The following LIN28B variants were observed in gnomAD, a reference collection of about 807,000 sequenced individuals.
LIN28B encodes the protein lin-28 RNA binding posttranscriptional regulator B.
Under a neutral mutation model 21.9 loss-of-function variants are expected in LIN28B, and 5 were observed. That is an observed-to-expected ratio of 0.23 (90% CI 0.12 to 0.48). LIN28B has a LOEUF of 0.48. Among genes scored for constraint, LIN28B ranks in the 20% least tolerant of loss-of-function variants. LIN28B has a pLI of 0.98. For synonymous variants in LIN28B, 109 were observed against 111.3 expected (o/e 0.98, Z 0.13); for missense variants, 245 against 310.5 (o/e 0.79, Z 1.58).
rs1772527638 is a variant in LIN28B at position 105,080,654 on chromosome 6, C to T, written c.*1871C>T. 6.6e-6 allele frequency: 1 copy of T among 152,586 alleles called. No individual in the cohort carries two copies. The highest frequency in any genetic ancestry group is 2.4e-5 in the African/African-American group (1 of 41,426). 9.5% of individuals were successfully genotyped at this position (152,586 alleles called of 1,614,324 possible). ...TAGCTGTAGAGAAGTACTTCCTTGC[C>T]TTATGTGAGGATTTCAAACTTATTT... On this transcript the variant is annotated 3_prime_UTR_variant, in exon 4 of 4. Transcript: ENST00000345080.
rs1772427818 is a variant in LIN28B at position 105,076,574 on chromosome 6, G to A, written c.384-1840G>A. Among the ~76,000 whole-genome samples the A allele has an allele frequency of 2.6e-5, 4 of 152,026 alleles. No homozygotes were observed. The South Asian group carries it at 6.2e-4, about 24-fold the overall frequency. ...CATCATAATTCACTTCTTGTTGTGA[G>A]TCTGGACTTAAGCCAATTTTCTCAG... On this transcript the variant is annotated intron_variant, in intron 3 of 3. Coordinates refer to ENST00000345080, the MANE Select transcript of LIN28B (RefSeq NM_001004317.4).
chr6:104,979,655 A>G (rs1770180536), intron 2 of LIN28B, among the ~76,000 whole-genome samples: 1 of 152,136 alleles, frequency 6.6e-6, no homozygotes, highest in Non-Finnish European at 1.5e-5. Flanking sequence ...TTTTATACAA[A>G]TAGGGAAATT....
At chr6:105,059,907 A>AT (rs34165233) in intron 3 of LIN28B, among the ~76,000 whole-genome samples, 89 of 143,090 alleles carry the variant, frequency 6.2e-4, no homozygotes, top group East Asian at 1.2e-3. Flanking sequence ...ATGTTACTGT[A>AT]TTTTTTTTTT....
At chr6:104,988,098 C>G (rs917671081) in intron 2 of LIN28B, among the ~76,000 whole-genome samples, 3 of 152,134 alleles carry the variant, frequency 2.0e-5, no homozygotes, top group Admixed American at 2.0e-4. Context: ...AGCTTGTTGA[C>G]TAGAAGTGAT....
At chr6:104,983,431 C>T (rs1236645307) in intron 2 of LIN28B, among the ~76,000 whole-genome samples, 3 of 152,224 alleles carry the variant, frequency 2.0e-5, no homozygotes, top group African/African-American at 7.2e-5. Flanking sequence ...TGGCCTTTGG[C>T]CAGTAGCACC....
At chr6:105,008,263 A>G (rs9500010) in intron 2 of LIN28B, among the ~76,000 whole-genome samples, 1 of 152,182 alleles carries the variant, frequency 6.6e-6, no homozygotes, top group South Asian at 2.1e-4. Context: ...TGAAAATGAC[A>G]TTGTATCTTG....
intron 2 of LIN28B, among the ~76,000 whole-genome samples, chr6:104,959,243 A>G (rs530393225): frequency 6.6e-6 from 1 of 152,346 alleles, no homozygotes; most frequent in African/African-American, 2.4e-5. Flanking sequence ...TGTAGTTAGA[A>G]ATAAAGAGGT....
chr6:105,020,470 C>G (rs1019521894), intron 2 of LIN28B, among the ~76,000 whole-genome samples: 2 of 151,778 alleles, frequency 1.3e-5, no homozygotes, highest in Non-Finnish European at 2.9e-5. Context: ...GTGTGTGCCA[C>G]CATGCCCAGC....
intron 2 of LIN28B, among the ~76,000 whole-genome samples, chr6:104,941,711 G>C (rs1344256383): frequency 6.6e-6 from 1 of 152,200 alleles, no homozygotes; most frequent in Non-Finnish European, 1.5e-5. Context: ...ATTTTGAAAA[G>C]AACGGGGAAG....
chr6:105,056,132 T>C (rs1483615802), intron 3 of LIN28B, among the ~76,000 whole-genome samples: 1 of 152,102 alleles, frequency 6.6e-6, no homozygotes, highest in Non-Finnish European at 1.5e-5. Flanking sequence ...TTTTAAGTTG[T>C]TGAACATATT....
intron 2 of LIN28B, among the ~76,000 whole-genome samples, chr6:104,983,035 T>C (rs1389167174): frequency 6.6e-6 from 1 of 152,194 alleles, no homozygotes; most frequent in South Asian, 2.1e-4. Flanking sequence ...TTTGAACTGC[T>C]GGCCTCAAGT....
At chr6:105,049,690 A>G (rs1771852918) in intron 3 of LIN28B, among the ~76,000 whole-genome samples, 1 of 151,982 alleles carries the variant, frequency 6.6e-6, no homozygotes, top group African/African-American at 2.4e-5. Context: ...GTGCTCCTGT[A>G]TTGGGTGCAT....
intron 3 of LIN28B, among the ~76,000 whole-genome samples, chr6:105,075,661 C>G (rs1055556473): frequency 1.3e-5 from 2 of 152,220 alleles, no homozygotes; most frequent in Middle Eastern, 6.8e-3. Flanking sequence ...TTAAAAATAA[C>G]TTTTATAGCC....
chr6:104,964,548 A>G (rs576491675), intron 2 of LIN28B, among the ~76,000 whole-genome samples: 14 of 152,228 alleles, frequency 9.2e-5, no homozygotes, highest in African/African-American at 2.2e-4. Flanking sequence ...TATTTAATAC[A>G]TAGTTACAAT....
chr6:104,992,514 G>GTGTGTGTGTT (rs1221284024), intron 2 of LIN28B, among the ~76,000 whole-genome samples: 14 of 139,682 alleles, frequency 1.0e-4, no homozygotes, highest in Non-Finnish European at 1.7e-4. Flanking sequence ...GTGTGTGTGT[G>GTGTGTGTGTT]TTTTTTTTTT....
At chr6:104,944,538 A>C (rs1265362037) in intron 2 of LIN28B, among the ~76,000 whole-genome samples, 1 of 152,130 alleles carries the variant, frequency 6.6e-6, no homozygotes. Context: ...TTTAAAAAAT[A>C]AGAATATAAA....
chr6:104,996,891 A>G (rs565344956), intron 2 of LIN28B, among the ~76,000 whole-genome samples: 2 of 152,262 alleles, frequency 1.3e-5, no homozygotes, highest in African/African-American at 2.4e-5. Context: ...AAGCTAAGGT[A>G]GGAAGATCAC....
In LIN28B at chr6:105,033,627, A is replaced by G. The variant is rs1249330253; in HGVS notation, c.383+7145A>G. Among the ~76,000 whole-genome samples the G allele has an allele frequency of 3.9e-5, 6 of 151,936 alleles. 1 individual carries two copies. Among genetic ancestry groups the G allele is most frequent in the South Asian group, 2.1e-4 (1 of 4,828 alleles). The stretch of plus-strand genomic sequence containing the variant: ...ACGAAATAATTTCTGATTTTTTTCT[A>G]TTTAGTTTTTCTTAAGTTCATTACA... On this transcript the variant is annotated intron_variant, in intron 3 of 3. Transcript: ENST00000345080.
intron 2 of LIN28B, among the ~76,000 whole-genome samples, chr6:104,945,518 A>G (rs1438353442): frequency 6.6e-6 from 1 of 152,120 alleles, no homozygotes; most frequent in Non-Finnish European, 1.5e-5. Context: ...TGTTTACTGT[A>G]TCAAAAAGCC....
Sources: allele counts gnomAD v4.1 joint callset (sites outside exome capture counted in the v4.1 genomes callset), GRCh38; gene constraint gnomAD v4.1.1; transcripts MANE v1.5; gene names NCBI Gene and HGNC (gene_info 2026-07-23, HGNC 2026-07-21).